Variants in ZNF536 observed in about 807,000 individuals in gnomAD.
ZNF536 encodes the protein zinc finger protein 536.
Under a neutral mutation model 84.5 loss-of-function variants are expected in ZNF536, and 13 were observed. The ratio of observed to expected loss-of-function variants is 0.15; its 90% CI spans 0.10 to 0.24. The LOEUF is 0.24. ZNF536 is among the 10% of genes least tolerant of loss of function. The probability of loss-of-function intolerance (pLI) is 1.00; values close to 1 mark genes in which losing one functional copy is unlikely to be tolerated. For missense variants in ZNF536, 1,536 were observed against 1,747.5 expected (o/e 0.88, Z 2.16); for synonymous variants, 811 against 742.5 (o/e 1.09, Z -1.50).
intron 1 of ZNF536, among the ~76,000 whole-genome samples, chr19:30,589,057 C>T (rs567651218): frequency 1.3e-4 from 19 of 151,972 alleles, no homozygotes; most frequent in Non-Finnish European, 2.5e-4. Context: ...CCCCAAGAGA[C>T]CTGAGAAGAG....
intron 1 of ZNF536, among the ~76,000 whole-genome samples, chr19:30,382,789 A>G (rs1405433073): frequency 1.3e-5 from 2 of 152,128 alleles, no homozygotes; most frequent in African/African-American, 4.8e-5. Context: ...GCAGGTGTAC[A>G]AATTCCTGCG....
chr19:30,605,166 C>CT (rs1568595755), intron 1 of ZNF536, among the ~76,000 whole-genome samples: 1 of 152,002 alleles, frequency 6.6e-6, no homozygotes, highest in East Asian at 1.9e-4. Flanking sequence ...GTGCGAAATG[C>CT]TTTTTTTGTT....
intron 2 of ZNF536, among the ~76,000 whole-genome samples, chr19:30,318,769 C>T (rs1171238212): frequency 1.3e-5 from 2 of 152,126 alleles, no homozygotes; most frequent in African/African-American, 4.8e-5. Flanking sequence ...CTGCAATGTA[C>T]CCGCAGCCCT....
intron 2 of ZNF536, among the ~76,000 whole-genome samples, chr19:30,504,702 C>T (rs995811928): frequency 6.6e-6 from 1 of 151,038 alleles, no homozygotes; most frequent in African/African-American, 2.4e-5. Context: ...TGAGTACCCA[C>T]CCACTGAGCA....
intron 1 of ZNF536, among the ~76,000 whole-genome samples, chr19:30,265,433 T>C (rs934679987): frequency 6.6e-6 from 1 of 152,172 alleles, no homozygotes; most frequent in Non-Finnish European, 1.5e-5. Context: ...CATCAGAGCA[T>C]GTGTCATTCC....
intron 1 of ZNF536, among the ~76,000 whole-genome samples, chr19:30,409,830 T>A (rs1483344007): frequency 3.9e-5 from 6 of 152,244 alleles, no homozygotes; most frequent in African/African-American, 7.2e-5. Context: ...AAGCTTAATA[T>A]GTATGTATAT....
At chr19:30,674,998 G>A (rs1347510171) in intron 1 of ZNF536, among the ~76,000 whole-genome samples, 1 of 152,144 alleles carries the variant, frequency 6.6e-6, no homozygotes, top group Non-Finnish European at 1.5e-5. Context: ...GCAGCTGAAG[G>A]TGGCTGAGAG....
chr19:30,398,284 C>T (rs1456422791), intron 1 of ZNF536, among the ~76,000 whole-genome samples: 1 of 152,180 alleles, frequency 6.6e-6, no homozygotes. Context: ...CCCAACCATC[C>T]CTAGCCCTTG....
intron 1 of ZNF536, among the ~76,000 whole-genome samples, chr19:30,698,363 A>C (rs570043809): frequency 6.6e-6 from 1 of 152,252 alleles, no homozygotes; most frequent in South Asian, 2.1e-4. Flanking sequence ...TCCCACTATT[A>C]TTAACATCTT....
chr19:30,256,399 T>G (rs2024919774), intron 1 of ZNF536, among the ~76,000 whole-genome samples: 1 of 152,380 alleles, frequency 6.6e-6, no homozygotes. Context: ...ACGAGCCCGG[T>G]TTGCTATTTA....
chr19:30,302,687 C>T (rs1461210235), intron 2 of ZNF536, among the ~76,000 whole-genome samples: 5 of 152,098 alleles, frequency 3.3e-5, no homozygotes, highest in Non-Finnish European at 5.9e-5. Flanking sequence ...GCTGGTCTCA[C>T]GGACTCCAGA....
intron 2 of ZNF536, among the ~76,000 whole-genome samples, chr19:30,477,272 A>C (rs2053889343): frequency 6.6e-6 from 1 of 152,064 alleles, no homozygotes; most frequent in East Asian, 1.9e-4. Context: ...TCCCCACTAG[A>C]ATGCAGGTTC....
chr19:30,245,199 C>T (rs1246712078), intron 1 of ZNF536, among the ~76,000 whole-genome samples: 1 of 152,224 alleles, frequency 6.6e-6, no homozygotes, highest in Non-Finnish European at 1.5e-5. Flanking sequence ...GCACAATGCT[C>T]AGGTCCCACT....
At chr19:30,396,056 A>T (rs1312575108) in intron 1 of ZNF536, among the ~76,000 whole-genome samples, 1 of 152,214 alleles carries the variant, frequency 6.6e-6, no homozygotes, top group Non-Finnish European at 1.5e-5. Flanking sequence ...ATGTATCATG[A>T]CATGTATCCA....
chr19:30,623,340 A>G (rs1158321153), intron 1 of ZNF536, among the ~76,000 whole-genome samples: 1 of 152,104 alleles, frequency 6.6e-6, no homozygotes, highest in Admixed American at 6.5e-5. Flanking sequence ...GGTCTGAGTG[A>G]TTCTCTTAAA....
intron 1 of ZNF536, among the ~76,000 whole-genome samples, chr19:30,407,188 C>G (rs1036970758): frequency 5.3e-5 from 8 of 152,162 alleles, no homozygotes; most frequent in African/African-American, 1.7e-4. Flanking sequence ...ACAGACTGAC[C>G]TTATGATCCC....
chr19:30,252,411 G>A (rs1298227029), intron 1 of ZNF536, among the ~76,000 whole-genome samples: 1 of 152,164 alleles, frequency 6.6e-6, no homozygotes, highest in Non-Finnish European at 1.5e-5. Context: ...GCCTCCGGGG[G>A]AGCTGGAGAA....
At chr19:30,509,666 T>A (rs1251324561) in intron 2 of ZNF536, among the ~76,000 whole-genome samples, 1 of 152,092 alleles carries the variant, frequency 6.6e-6, no homozygotes, top group Non-Finnish European at 1.5e-5. Flanking sequence ...GTTATCCTTT[T>A]TTTGTGGCAA....
chr19:30,529,562 C>G (rs1345906847), intron 2 of ZNF536, among the ~76,000 whole-genome samples: 1 of 152,168 alleles, frequency 6.6e-6, no homozygotes, highest in East Asian at 1.9e-4. Flanking sequence ...TTCATGTCAC[C>G]TTGATCGAGG....
Sources: gnomAD v4.1 joint callset for allele counts (sites outside exome capture counted in the v4.1 genomes callset) on GRCh38, gnomAD v4.1.1 for gene constraint, MANE v1.5 for transcripts, NCBI Gene and HGNC (gene_info 2026-07-23, HGNC 2026-07-21) for gene names.